Variants in DPRX observed in about 807,000 individuals in gnomAD.
DPRX encodes divergent-paired related homeobox, also known as divergent paired-related homeobox.
Under a neutral mutation model 8.4 loss-of-function variants are expected in DPRX, and 11 were observed. The observed-to-expected ratio is 1.31, with a 90% CI of 0.82 to 2.17. The LOEUF is 2.17. DPRX is among the 30% of genes most tolerant of loss of function. DPRX has a pLI of 0.00. For synonymous variants in DPRX, 72 were observed against 87.0 expected, an observed-to-expected ratio of 0.83 and a Z score of 0.96; for missense variants, 211 against 236.7, an observed-to-expected ratio of 0.89 and a Z score of 0.71.
chr19:53,611,927 T>C, the DPRX span, among the ~76,000 whole-genome samples: 1 of 151,672 alleles, frequency 6.6e-6, no homozygotes, highest in Non-Finnish European at 1.5e-5. Flanking sequence ...CTGTTAAAAA[T>C]ACAAAAATTA....
In DPRX at chr19:53,636,326, A is replaced by C. The variant is rs77764732; in HGVS notation, c.184-270A>C. On this transcript the variant is annotated intron_variant, in intron 2 of 2. Coordinates refer to ENST00000376650, the Ensembl canonical transcript of DPRX. ...GGTTGCAGTGAGCCGAGATGGTGCC[A>C]CTGAACTCCAGCCTGGGCGACAAGG... is the stretch of plus-strand genomic sequence containing the variant. Among the ~76,000 whole-genome samples, 319 of 152,086 alleles carry C rather than the reference A, an allele frequency of 2.1e-3. 14 individuals are homozygous for C. The East Asian group carries it at 0.053, about 25-fold the overall frequency.
chr19:53,601,635 C>A, the DPRX span, among the ~76,000 whole-genome samples: 2 of 152,018 alleles, frequency 1.3e-5, no homozygotes, highest in Non-Finnish European at 2.9e-5. Flanking sequence ...GCACACACCA[C>A]CATGCCCGGC....
At chr19:53,603,634 C>T in the DPRX span, 17 of 250,744 alleles carry the variant, frequency 6.8e-5, no homozygotes, top group Non-Finnish European at 1.0e-4. Flanking sequence ...GTAGCTCCCA[C>T]GTATCTGAGG....
At chr19:53,625,532 C>G in the DPRX span, among the ~76,000 whole-genome samples, 1 of 152,092 alleles carries the variant, frequency 6.6e-6, no homozygotes, top group Non-Finnish European at 1.5e-5. Flanking sequence ...GCCCACTGCA[C>G]AAGGCACCCT....
upstream of DPRX, among the ~76,000 whole-genome samples, chr19:53,629,135 G>A (rs1396720726): frequency 2.0e-5 from 3 of 151,468 alleles, no homozygotes; most frequent in Non-Finnish European, 4.4e-5. Context: ...CCAACATGGT[G>A]AAACCAGGTC....
chr19:53,605,253 A>AT, the DPRX span, among the ~76,000 whole-genome samples: 51 of 147,840 alleles, frequency 3.4e-4, no homozygotes, highest in East Asian at 7.9e-4. Flanking sequence ...ATTTTCTTTA[A>AT]TTTTTTTTTT....
the DPRX span, among the ~76,000 whole-genome samples, chr19:53,609,962 G>A: frequency 2.6e-5 from 4 of 151,698 alleles, no homozygotes; most frequent in Non-Finnish European, 5.9e-5. Flanking sequence ...TCCAGCCTGG[G>A]CAACAGAGCA....
chr19:53,627,435 C>CTTTT (rs759332421), upstream of DPRX, among the ~76,000 whole-genome samples: 6 of 102,522 alleles, frequency 5.9e-5, no homozygotes, highest in South Asian at 3.2e-4. Flanking sequence ...TTCTTTCTTT[C>CTTTT]TTTCTTTTTT....
chr19:53,636,696 T>C, exon 3 of DPRX: 1 of 1,613,674 alleles, frequency 6.2e-7, no homozygotes, highest in Non-Finnish European at 8.5e-7. Flanking sequence ...GAGGGTGGGG[T>C]CTCCACCAGT....
the DPRX span, among the ~76,000 whole-genome samples, chr19:53,617,475 T>G: frequency 6.6e-6 from 1 of 150,706 alleles, no homozygotes; most frequent in Non-Finnish European, 1.5e-5. Context: ...GGAGAATTGC[T>G]TGAACCCGGG....
exon 3 of DPRX, chr19:53,636,761 A>G (rs768111180): frequency 1.5e-5 from 25 of 1,614,022 alleles, no homozygotes; most frequent in Non-Finnish European, 2.0e-5. Context: ...TGCTCACCCG[A>G]TCGGCCTGGT....
Position 53,632,467 on chromosome 19 carries a change from A to AT in DPRX, c.28+347dup, listed in dbSNP as rs35312439. 6.7e-4 allele frequency among the ~76,000 whole-genome samples: 100 copies of AT among 148,294 alleles called. 1 individual carries two copies. The highest frequency in any genetic ancestry group is 1.5e-3 in the African/African-American group (61 of 40,320). On this transcript the variant is annotated intron_variant, in intron 1 of 2. Transcript: ENST00000376650. Reference sequence around the variant, plus strand: ...AGGCACACGCCACCACACCTGGCTAATTTTTTTTTTTTTTGTATTTTTAGT... The same window carrying AT: ...AGGCACACGCCACCACACCTGGCTAATTTTTTTTTTTTTTTGTATTTTTAGT...
the DPRX span, among the ~76,000 whole-genome samples, chr19:53,624,894 A>G: frequency 1.3e-5 from 2 of 151,474 alleles, no homozygotes; most frequent in African/African-American, 4.8e-5. Flanking sequence ...TACAAATCAG[A>G]TGAGATCGGG....
the DPRX span, among the ~76,000 whole-genome samples, chr19:53,612,428 C>T: frequency 3.3e-5 from 5 of 149,718 alleles, no homozygotes; most frequent in Admixed American, 1.3e-4. Context: ...TGGACGTGGC[C>T]GGGTGCAGTG....
chr19:53,633,467 G>A (rs1196418036), intron 1 of DPRX, among the ~76,000 whole-genome samples: 1 of 152,024 alleles, frequency 6.6e-6, no homozygotes, highest in African/African-American at 2.4e-5. Context: ...TAGAACCCAA[G>A]AGGTAAGGCA....
chr19:53,634,925 C>T (rs2091106660), intron 2 of DPRX, among the ~76,000 whole-genome samples: 3 of 152,176 alleles, frequency 2.0e-5, no homozygotes, highest in Admixed American at 6.6e-5. Context: ...GTCTCTCTAG[C>T]AACTATTTTA....
chr19:53,608,241 A>T, the DPRX span: 2 of 151,746 alleles, frequency 1.3e-5, no homozygotes, highest in East Asian at 1.9e-4. Flanking sequence ...AAAATAAAAA[A>T]AAATAAAATA....
upstream of DPRX, among the ~76,000 whole-genome samples, chr19:53,630,344 G>A (rs1000888693): frequency 6.6e-6 from 1 of 152,104 alleles, no homozygotes; most frequent in Non-Finnish European, 1.5e-5. Context: ...AGGATGGCTT[G>A]TGCCTAAGAC....
At chr19:53,612,564 G>T in the DPRX span, among the ~76,000 whole-genome samples, 4 of 151,864 alleles carry the variant, frequency 2.6e-5, no homozygotes, top group Admixed American at 2.6e-4. Context: ...AAAATTAGCC[G>T]GCCATGCTGG....
Sources: gnomAD v4.1 joint callset for allele counts (sites outside exome capture counted in the v4.1 genomes callset) on GRCh38, gnomAD v4.1.1 for gene constraint, MANE v1.5 for transcripts, NCBI Gene and HGNC (gene_info 2026-07-23, HGNC 2026-07-21) for gene names.